Variants in NPAS3 observed in about 807,000 individuals in gnomAD.
NPAS3 encodes the protein neuronal PAS domain protein 3.
In NPAS3, 14 loss-of-function variants were observed where a neutral mutation model predicts 73.1. That is an observed-to-expected ratio of 0.19 (90% CI 0.13 to 0.30). The LOEUF (loss-of-function observed/expected upper bound fraction) is 0.30, where lower values mean the gene tolerates loss of function less well. Among genes scored for constraint, NPAS3 ranks in the 10% least tolerant of loss-of-function variants. The pLI is 1.00. For synonymous variants in NPAS3, 620 were observed against 541.5 expected (o/e 1.14, Z -2.01); for missense variants, 1,096 against 1,250.0 (o/e 0.88, Z 1.86).
chr14:33,442,190 G>C (rs934607649), intron 4 of NPAS3, among the ~76,000 whole-genome samples: 1 of 152,120 alleles, frequency 6.6e-6, no homozygotes, highest in Admixed American at 6.5e-5. Flanking sequence ...TATTAACATG[G>C]CTTAAAAATG....
intron 4 of NPAS3, among the ~76,000 whole-genome samples, chr14:33,446,271 GTTCACGCCA>G (rs1356338328): frequency 6.7e-6 from 1 of 149,650 alleles, no homozygotes; most frequent in Non-Finnish European, 1.5e-5. Flanking sequence ...CGCTTCCCGG[GTTCACGCCA>G]TTCTCCTGCC....
At chr14:33,187,945 G>A (rs2046038752) in intron 2 of NPAS3, among the ~76,000 whole-genome samples, 1 of 151,972 alleles carries the variant, frequency 6.6e-6, no homozygotes, top group South Asian at 2.1e-4. Context: ...ACTTTCAATT[G>A]CATCTTAAAT....
intron 3 of NPAS3, among the ~76,000 whole-genome samples, chr14:33,341,394 A>G (rs1199304015): frequency 6.6e-6 from 1 of 152,258 alleles, no homozygotes; most frequent in Non-Finnish European, 1.5e-5. Context: ...AAGAACAGAA[A>G]TAGAAAGCTT....
intron 2 of NPAS3, among the ~76,000 whole-genome samples, chr14:33,088,360 G>A (rs2042106598): frequency 6.6e-6 from 1 of 152,334 alleles, no homozygotes; most frequent in South Asian, 2.1e-4. Flanking sequence ...TTTTCCAATG[G>A]TCTTAGCAAA....
intron 2 of NPAS3, among the ~76,000 whole-genome samples, chr14:33,187,137 C>T (rs1407898515): frequency 6.6e-6 from 1 of 152,192 alleles, no homozygotes; most frequent in African/African-American, 2.4e-5. Context: ...CCCTTTGGGG[C>T]TTCTTACTAC....
chr14:33,695,597 G>T (rs138464245), intron 6 of NPAS3, among the ~76,000 whole-genome samples: 1 of 152,288 alleles, frequency 6.6e-6, no homozygotes, highest in Non-Finnish European at 1.5e-5. Context: ...TTGTGAGTTG[G>T]TAGCACTCCA....
intron 6 of NPAS3, among the ~76,000 whole-genome samples, chr14:33,678,929 A>T (rs2059850902): frequency 6.6e-6 from 1 of 152,212 alleles, no homozygotes; most frequent in Non-Finnish European, 1.5e-5. Context: ...AGTAGAACAC[A>T]GTTCTTACAG....
At chr14:33,156,458 G>T (rs1194160426) in intron 2 of NPAS3, among the ~76,000 whole-genome samples, 1 of 152,132 alleles carries the variant, frequency 6.6e-6, no homozygotes, top group Non-Finnish European at 1.5e-5. Context: ...ACATGTTATT[G>T]TTCTAGACAA....
chr14:33,257,729 G>A (rs188379918), intron 3 of NPAS3, among the ~76,000 whole-genome samples: 2 of 152,140 alleles, frequency 1.3e-5, no homozygotes, highest in African/African-American at 4.8e-5. Context: ...GTCACTCCAG[G>A]GAAAGACAGT....
intron 1 of NPAS3, among the ~76,000 whole-genome samples, chr14:32,992,996 A>T (rs1437054802): frequency 6.6e-6 from 1 of 152,036 alleles, no homozygotes; most frequent in Non-Finnish European, 1.5e-5. Context: ...CTCTACTAAA[A>T]ATACAAAAAA....
At chr14:33,018,453 A>G (rs1395989578) in intron 1 of NPAS3, among the ~76,000 whole-genome samples, 2 of 152,192 alleles carry the variant, frequency 1.3e-5, no homozygotes, top group Admixed American at 6.5e-5. Flanking sequence ...GAGAGATACA[A>G]TAGAGGAAAT....
chr14:33,374,135 C>G (rs2046216689), intron 4 of NPAS3, among the ~76,000 whole-genome samples: 1 of 152,066 alleles, frequency 6.6e-6, no homozygotes, highest in South Asian at 2.1e-4. Context: ...TCAAAGTAAT[C>G]AAAGATTTGT....
chr14:33,153,289 A>AT (rs2044525697), intron 2 of NPAS3, among the ~76,000 whole-genome samples: 1 of 151,100 alleles, frequency 6.6e-6, no homozygotes, highest in Non-Finnish European at 1.5e-5. Flanking sequence ...TTGATTGTCT[A>AT]TTTATGGTTA....
At chr14:33,682,992 C>T (rs1437711236) in intron 6 of NPAS3, among the ~76,000 whole-genome samples, 1 of 152,166 alleles carries the variant, frequency 6.6e-6, no homozygotes, top group Admixed American at 6.5e-5. Context: ...AGGGCGGCCT[C>T]CCTTTTGTTC....
chr14:33,556,114 A>G (rs1347678633), intron 4 of NPAS3, among the ~76,000 whole-genome samples: 1 of 152,210 alleles, frequency 6.6e-6, no homozygotes, highest in Non-Finnish European at 1.5e-5. Context: ...TTAGATCGCT[A>G]CTGCTTAATA....
intron 4 of NPAS3, among the ~76,000 whole-genome samples, chr14:33,401,427 C>A (rs1273781789): frequency 6.6e-6 from 1 of 152,026 alleles, no homozygotes; most frequent in Non-Finnish European, 1.5e-5. Context: ...GTGTTAAATA[C>A]GAGAACTTGT....
intron 2 of NPAS3, among the ~76,000 whole-genome samples, chr14:33,123,413 A>C (rs950492688): frequency 2.3e-4 from 35 of 152,118 alleles, no homozygotes; most frequent in Non-Finnish European, 2.9e-5. Context: ...TGCTGGTAAC[A>C]CAGGATAATT....
At chr14:33,701,907 T>C (rs1202799457) in intron 6 of NPAS3, among the ~76,000 whole-genome samples, 1 of 152,206 alleles carries the variant, frequency 6.6e-6, no homozygotes, top group Non-Finnish European at 1.5e-5. Flanking sequence ...GAATAAGAAA[T>C]GGTATCTGCC....
At chr14:33,751,905 A>G (rs1218173546) in intron 7 of NPAS3, among the ~76,000 whole-genome samples, 1 of 152,206 alleles carries the variant, frequency 6.6e-6, no homozygotes, top group African/African-American at 2.4e-5. Flanking sequence ...GTAAGTGATG[A>G]CATAAAATAT....
Sources: gnomAD v4.1 joint callset for allele counts (sites outside exome capture counted in the v4.1 genomes callset) on GRCh38, gnomAD v4.1.1 for gene constraint, MANE v1.5 for transcripts, NCBI Gene and HGNC (gene_info 2026-07-23, HGNC 2026-07-21) for gene names.